Variants in BRF1 observed in about 807,000 individuals in gnomAD.
The protein encoded by BRF1 is transcription factor IIIB 90 kDa subunit.
Under a neutral mutation model 81.7 loss-of-function variants are expected in BRF1, and 59 were observed. The observed-to-expected ratio is 0.72, with a 90% confidence interval of 0.59 to 0.90. BRF1 has a LOEUF of 0.90. Among genes scored for constraint, BRF1 ranks in the 40% least tolerant of loss-of-function variants. The pLI is 0.00. For synonymous variants in BRF1, 491 were observed against 395.6 expected (o/e 1.24, Z -2.86); for missense variants, 1,050 against 936.3 (o/e 1.12, Z -1.58).
Position 105,272,873 on chromosome 14 carries a change from A to G in BRF1, c.287T>C (p.Leu96Pro). Residue 96 changes from leucine to proline, a missense_variant, in exon 3 of 18, where the codon CTG becomes CCG. Leu to Pro is a moderately conservative substitution (Grantham distance 98). Transcript: ENST00000547530. ...CTGGTTCAGCTGCAGCTGGTTCCCCAGGTGGTGGATGTGGCGCCTCCCTAG... is the reference window on the plus strand; with the variant it reads ...CTGGTTCAGCTGCAGCTGGTTCCCCGGGTGGTGGATGTGGCGCCTCCCTAG... ...LQNGRRHIHH[L>P]GNQLQLNQHC... 6.2e-7 allele frequency: 1 copy of G among 1,613,094 alleles called. No individual in the cohort carries two copies.
intron 14 of BRF1, 85 bp downstream of exon 14, chr14:105,218,913 A>G (rs1298437830): frequency 6.3e-7 from 1 of 1,583,044 alleles, no homozygotes; most frequent in Non-Finnish European, 8.6e-7. Context: ...CTCCTGTCAC[A>G]TGGGGAAGGG....
At chr14:105,283,662 T>A (rs952623344) in intron 2 of BRF1, among the ~76,000 whole-genome samples, 2 of 152,210 alleles carry the variant, frequency 1.3e-5, no homozygotes, top group African/African-American at 4.8e-5. Context: ...TGGTTTCCAA[T>A]CCTATTGCAA....
intron 1 of BRF1, among the ~76,000 whole-genome samples, chr14:105,294,842 G>A (rs2057667744): frequency 6.6e-6 from 1 of 152,154 alleles, no homozygotes; most frequent in Admixed American, 6.5e-5. Flanking sequence ...TAGGTCAAGT[G>A]GACCAATTCC....
chr14:105,250,869 T>G (rs1227312261), intron 5 of BRF1: 1 of 630,890 alleles, frequency 1.6e-6, no homozygotes, highest in South Asian at 2.1e-5. Context: ...TCTGGTACAG[T>G]GGGGTGCACG....
intron 15 of BRF1, among the ~76,000 whole-genome samples, chr14:105,214,949 C>T (rs1890840290): frequency 6.6e-6 from 1 of 152,198 alleles, no homozygotes; most frequent in African/African-American, 2.4e-5. Flanking sequence ...CCCTTCTGTC[C>T]CCAGGTAGAC....
Position 105,211,166 on chromosome 14 carries a change from TCCTCCTCGTCAGGCTCCTCCTCGTCAG to T in BRF1, c.1925_1951del (p.Ala642_Glu650del), listed in dbSNP as rs761867002. 6.2e-7 allele frequency: 1 copy of T among 1,612,284 alleles called. No homozygotes were observed. The highest frequency in any genetic ancestry group is 8.5e-7 in the Non-Finnish European group (1 of 1,179,798). On this transcript the variant is annotated inframe_deletion, in exon 17 of 18. Coordinates refer to ENST00000547530, the MANE Select transcript of BRF1 (RefSeq NM_001519.4). ...CAGGGCACTGACGCAGGGCTCCCCGTCCTCCTCGTCAGGCTCCTCCTCGTCAGCCTCCTCGTCGGCGTGGTATGACAC... is the reference window on the plus strand; with the variant it reads ...CAGGGCACTGACGCAGGGCTCCCCGTCCTCCTCGTCGGCGTGGTATGACAC...
intron 6 of BRF1, among the ~76,000 whole-genome samples, chr14:105,229,379 G>C (rs1402171364): frequency 6.6e-6 from 1 of 152,220 alleles, no homozygotes; most frequent in Admixed American, 6.5e-5. Context: ...AGATGGAACG[G>C]CTTCTCAGGT....
chr14:105,228,602 G>T (rs1053336454), intron 7 of BRF1, among the ~76,000 whole-genome samples: 4 of 151,728 alleles, frequency 2.6e-5, no homozygotes, highest in Non-Finnish European at 5.9e-5. Context: ...GGATAGGGCC[G>T]GCCCCAGAAG....
At chr14:105,216,741 A>C (rs587696946) in intron 15 of BRF1, among the ~76,000 whole-genome samples, 1 of 152,216 alleles carries the variant, frequency 6.6e-6, no homozygotes, top group Non-Finnish European at 1.5e-5. Flanking sequence ...ACTGCCCCAC[A>C]GGCGGAAGCA....
At chr14:105,282,425 AAC>A (rs2057143925) in intron 2 of BRF1, among the ~76,000 whole-genome samples, 1 of 152,242 alleles carries the variant, frequency 6.6e-6, no homozygotes, top group Non-Finnish European at 1.5e-5. Flanking sequence ...CCAAAACAGT[AAC>A]AGTCGGAAGC....
chr14:105,281,866 C>T (rs996912004), intron 2 of BRF1, among the ~76,000 whole-genome samples: 5 of 151,790 alleles, frequency 3.3e-5, no homozygotes, highest in Non-Finnish European at 7.4e-5. Flanking sequence ...GTGGATTTGT[C>T]AGGTGGTTCA....
intron 15 of BRF1, chr14:105,212,528 A>G (rs767721760): frequency 6.3e-5 from 16 of 253,292 alleles, no homozygotes; most frequent in Non-Finnish European, 1.2e-4. Context: ...CAGACCCGAG[A>G]GTGCTTCCCC....
At chr14:105,312,722 C>G (rs996792382) in intron 1 of BRF1, among the ~76,000 whole-genome samples, 10 of 152,220 alleles carry the variant, frequency 6.6e-5, no homozygotes, top group Non-Finnish European at 1.5e-4. Context: ...AAAAGTTACT[C>G]TGATCACCCA....
chr14:105,268,832 CAGA>C (rs1004876039), intron 3 of BRF1, among the ~76,000 whole-genome samples: 5 of 152,242 alleles, frequency 3.3e-5, no homozygotes, highest in African/African-American at 1.2e-4. Flanking sequence ...GTGGCGAGTC[CAGA>C]AGGTGACGGG....
chr14:105,229,057 T>C, intron 6 of BRF1, 144 bp from the exon 7 acceptor site: 1 of 739,676 alleles, frequency 1.4e-6, no homozygotes, highest in Non-Finnish European at 2.4e-6. Flanking sequence ...AGACCCTCAC[T>C]TGGCATGGCT....
intron 1 of BRF1, among the ~76,000 whole-genome samples, chr14:105,287,560 T>C (rs1405909584): frequency 6.6e-6 from 1 of 152,106 alleles, no homozygotes. Context: ...GTAGGGCCTG[T>C]CGGAGGACAC....
chr14:105,211,963 C>A (rs1890186107), intron 16 of BRF1, 150 bp downstream of exon 16: 2 of 1,217,924 alleles, frequency 1.6e-6, no homozygotes, highest in South Asian at 2.7e-5. Flanking sequence ...GGCCTCGATT[C>A]TCTGGCCATG....
upstream of BRF1, among the ~76,000 whole-genome samples, chr14:105,303,194 G>A (rs2058088840): frequency 6.6e-6 from 1 of 152,136 alleles, no homozygotes; most frequent in Non-Finnish European, 1.5e-5. Context: ...CTCCCAAAGT[G>A]TTGAGATTCT....
chr14:105,215,944 C>G (rs1326172920), intron 15 of BRF1, among the ~76,000 whole-genome samples: 1 of 140,834 alleles, frequency 7.1e-6, no homozygotes, highest in East Asian at 2.2e-4. Context: ...ACTGCATACA[C>G]AGACACAGGC....
Sources: allele counts gnomAD v4.1 joint callset (sites outside exome capture counted in the v4.1 genomes callset), GRCh38; gene constraint gnomAD v4.1.1; transcripts MANE v1.5; gene names NCBI Gene and HGNC (gene_info 2026-07-23, HGNC 2026-07-21).